Variants in TNIK observed in about 807,000 individuals in gnomAD.
The protein encoded by TNIK is TRAF2 and NCK-interacting protein kinase.
Under a neutral mutation model 191.3 loss-of-function variants are expected in TNIK, and 49 were observed. The ratio of observed to expected loss-of-function variants is 0.26; its 90% CI spans 0.20 to 0.32. The LOEUF is 0.32. Ranked by LOEUF, TNIK falls within the 10% of genes least tolerant of loss-of-function variation. The pLI, the probability that TNIK is intolerant of heterozygous loss-of-function variation, is 1.00. For synonymous variants in TNIK, 594 were observed against 600.9 expected, an observed-to-expected ratio of 0.99 and a Z score of 0.17; for missense variants, 1,155 against 1,702.3, an observed-to-expected ratio of 0.68 and a Z score of 5.66.
rs1021975782 is a variant in TNIK, at chr3:171,175,134, G to C, written c.773+118C>G. On this transcript the variant is annotated intron_variant, in intron 9 of 32. Coordinates refer to ENST00000436636, the MANE Select transcript of TNIK (RefSeq NM_015028.4). ...CAGCATATGGAAAGTAATTCACCAA[G>C]TCATCATACATGTTAGTCTCATTCT... 1.8e-5 allele frequency: 17 copies of C among 957,180 alleles called. No homozygotes were observed. In the East Asian group the frequency reaches 2.1e-4, roughly 12 times the overall value. 59.3% of individuals were successfully genotyped at this position (957,180 alleles called of 1,614,324 possible). A position where few individuals can be genotyped will look rare whatever the true frequency, so the allele number is the denominator to read the frequency against.
At chr3:171,265,177 C>T (rs2109152677) in intron 2 of TNIK, among the ~76,000 whole-genome samples, 1 of 152,302 alleles carries the variant, frequency 6.6e-6, no homozygotes, top group South Asian at 2.1e-4. Flanking sequence ...GAATATGGTG[C>T]ATGAGTGTAT....
intron 18 of TNIK, among the ~76,000 whole-genome samples, chr3:171,121,404 T>C (rs1052997572): frequency 5.3e-5 from 8 of 152,188 alleles, no homozygotes; most frequent in African/African-American, 9.6e-5. Context: ...GCCAAGTGAC[T>C]TGTGATGGCT....
At chr3:171,289,096 A>G (rs115772524) in intron 2 of TNIK, among the ~76,000 whole-genome samples, 1,533 of 152,314 alleles carry the variant, frequency 0.01, 31 homozygotes, top group African/African-American at 0.035. Flanking sequence ...TTCAAGAGGC[A>G]TAAGGGAAGC....
At chr3:171,452,225 T>C (rs1316841556) in intron 1 of TNIK, among the ~76,000 whole-genome samples, 1 of 152,052 alleles carries the variant, frequency 6.6e-6, no homozygotes. Flanking sequence ...TGGAAAAAAA[T>C]AGCTCATTTA....
At chr3:171,351,457 G>A (rs1713196495) in intron 2 of TNIK, among the ~76,000 whole-genome samples, 1 of 152,120 alleles carries the variant, frequency 6.6e-6, no homozygotes, top group African/African-American at 2.4e-5. Context: ...TGCATTATGT[G>A]TCATCTTCAT....
chr3:171,347,082 CAG>C, intron 2 of TNIK: 2 of 1,482,382 alleles, frequency 1.3e-6, no homozygotes, highest in Non-Finnish European at 1.8e-6. Context: ...AGACAGAAAA[CAG>C]AAGAGAGAAA....
chr3:171,151,046 T>C (rs1229730844), intron 12 of TNIK, among the ~76,000 whole-genome samples: 1 of 152,244 alleles, frequency 6.6e-6, no homozygotes, highest in Non-Finnish European at 1.5e-5. Flanking sequence ...GTGTTAGGCA[T>C]TGTGCCAAGT....
chr3:171,233,052 A>T (rs1468415877), intron 2 of TNIK, among the ~76,000 whole-genome samples: 2 of 152,190 alleles, frequency 1.3e-5, no homozygotes, highest in East Asian at 3.8e-4. Flanking sequence ...ACATACATTT[A>T]TTTCTGGCAA....
intron 2 of TNIK, among the ~76,000 whole-genome samples, chr3:171,328,045 T>C (rs1756005365): frequency 6.6e-6 from 1 of 152,138 alleles, no homozygotes; most frequent in Non-Finnish European, 1.5e-5. Context: ...ACTAAATGTC[T>C]GTGTCTGCAC....
chr3:171,197,674 T>C (rs1738878705), intron 4 of TNIK, among the ~76,000 whole-genome samples: 1 of 152,152 alleles, frequency 6.6e-6, no homozygotes, highest in African/African-American at 2.4e-5. Flanking sequence ...CATTAGTCAT[T>C]AGGAAAATAC....
At chr3:171,163,285 A>G (rs986848885) in intron 10 of TNIK, among the ~76,000 whole-genome samples, 1 of 152,212 alleles carries the variant, frequency 6.6e-6, no homozygotes, top group Admixed American at 6.5e-5. Context: ...AAGGTGTCAC[A>G]TTACTCCTAT....
At chr3:171,274,840 G>A (rs185623177) in intron 2 of TNIK, among the ~76,000 whole-genome samples, 17 of 152,268 alleles carry the variant, frequency 1.1e-4, no homozygotes, top group African/African-American at 4.1e-4. Flanking sequence ...AAAATGGAAG[G>A]GTGATAATTA....
At chr3:171,358,616 T>G (rs1467203718) in intron 2 of TNIK, among the ~76,000 whole-genome samples, 1 of 152,210 alleles carries the variant, frequency 6.6e-6, no homozygotes, top group Admixed American at 6.5e-5. Context: ...ACAAAATGCT[T>G]GCGTATTTTT....
chr3:171,306,844 A>G (rs1241799663), intron 2 of TNIK, among the ~76,000 whole-genome samples: 1 of 152,170 alleles, frequency 6.6e-6, no homozygotes, highest in East Asian at 1.9e-4. Context: ...CTTTTCTTAA[A>G]ATAACAAACC....
intron 1 of TNIK, among the ~76,000 whole-genome samples, chr3:171,421,246 A>G (rs961843401): frequency 6.6e-6 from 1 of 152,218 alleles, no homozygotes; most frequent in Non-Finnish European, 1.5e-5. Context: ...AACAAGATGT[A>G]GAAACTGCCT....
intron 16 of TNIK, 132 bp downstream of exon 16, chr3:171,128,582 A>T: frequency 8.7e-7 from 1 of 1,145,826 alleles, no homozygotes; most frequent in Non-Finnish European, 1.1e-6. Context: ...CACCTATTTT[A>T]CTATAAATTC....
Position 171,105,759 on chromosome 3 carries a change from C to T in TNIK, c.2406+1424G>A, listed in dbSNP as rs370967135. Among the ~76,000 whole-genome samples the T allele has an allele frequency of 2.0e-5, 3 of 152,270 alleles. No homozygotes were observed. In the South Asian group the frequency reaches 6.2e-4, roughly 32 times the overall value. ...GAGAGCCTTTTCCTTAATGACGGCC[C>T]CTCCAAGCCAATTTCTGAACTCATG... On this transcript the variant is annotated intron_variant, in intron 21 of 32. Transcript: ENST00000436636.
intron 2 of TNIK, among the ~76,000 whole-genome samples, chr3:171,303,555 T>C (rs980613517): frequency 6.6e-6 from 1 of 152,202 alleles, no homozygotes; most frequent in Admixed American, 6.6e-5. Context: ...ATATAGAATA[T>C]GTAACACTTC....
intron 2 of TNIK, among the ~76,000 whole-genome samples, chr3:171,250,130 G>A (rs1421718192): frequency 6.6e-6 from 1 of 152,146 alleles, no homozygotes; most frequent in African/African-American, 2.4e-5. Context: ...TAGCTTGATG[G>A]CACATGTTCA....
Sources: gnomAD v4.1 joint callset for allele counts (sites outside exome capture counted in the v4.1 genomes callset) on GRCh38, gnomAD v4.1.1 for gene constraint, MANE v1.5 for transcripts, NCBI Gene and HGNC (gene_info 2026-07-23, HGNC 2026-07-21) for gene names.